SRBD1: variants seen among roughly 807,000 people sequenced by gnomAD.
SRBD1 encodes the protein S1 RNA-binding domain-containing protein 1.
SRBD1 carries 88 observed loss-of-function variants against 115.3 expected under a neutral mutation model. That is an observed-to-expected ratio of 0.76 (90% CI 0.64 to 0.91). The LOEUF (loss-of-function observed/expected upper bound fraction) is 0.91. Among genes scored for constraint, SRBD1 ranks in the 40% least tolerant of loss-of-function variants. The pLI, the probability that SRBD1 is intolerant of heterozygous loss-of-function variation, is 0.00. For missense variants in SRBD1, 1,385 were observed against 1,177.4 expected (o/e 1.18, Z -2.58); for synonymous variants, 509 against 407.7 (o/e 1.25, Z -2.99).
At chr2:45,461,361 G>A (rs571095809) in intron 16 of SRBD1, among the ~76,000 whole-genome samples, 3 of 152,250 alleles carry the variant, frequency 2.0e-5, no homozygotes, top group Non-Finnish European at 2.9e-5. Flanking sequence ...GGAAAATGAC[G>A]GAGTCTTTCA....
At chr2:45,414,683 TATAC>T (rs1449397546) in intron 18 of SRBD1, among the ~76,000 whole-genome samples, 1 of 149,008 alleles carries the variant, frequency 6.7e-6, no homozygotes, top group Non-Finnish European at 1.5e-5. Context: ...ATAGTATGTA[TATAC>T]ACACACACAT....
At chr2:45,389,984 CTTT>C (rs201315742) in intron 20 of SRBD1, among the ~76,000 whole-genome samples, 1 of 150,976 alleles carries the variant, frequency 6.6e-6, no homozygotes, top group South Asian at 2.1e-4. Flanking sequence ...AGACTGGAAG[CTTT>C]TTTTTTGGTT....
At chr2:45,440,822 G>A (rs1022319635) in intron 16 of SRBD1, among the ~76,000 whole-genome samples, 19 of 152,152 alleles carry the variant, frequency 1.2e-4, no homozygotes, top group Non-Finnish European at 8.8e-5. Context: ...CAGAAATAGA[G>A]GGAAGGAGGG....
At position 45,417,118 on chromosome 2, in the gene SRBD1, T is replaced by C. The variant is rs547778183; in HGVS notation, c.2333+1247A>G. On this transcript the variant is annotated intron_variant, in intron 18 of 20. Coordinates refer to ENST00000263736, the MANE Select transcript of SRBD1 (RefSeq NM_018079.5). ...TCATTTTATCTTCAATTTTTTTCAA[T>C]TGTGACTTCTAGGTTTCATGATCTA... Among the ~76,000 whole-genome samples, 3 of 152,306 alleles carry C rather than the reference T, an allele frequency of 2.0e-5. No individual in the cohort carries two copies. In the East Asian group the frequency reaches 5.8e-4, roughly 29 times the overall value.
intron 9 of SRBD1, among the ~76,000 whole-genome samples, chr2:45,563,066 G>A (rs1269766161): frequency 1.3e-5 from 2 of 152,054 alleles, no homozygotes; most frequent in Non-Finnish European, 2.9e-5. Context: ...GGAGTTGGAA[G>A]GGTATACTTT....
chr2:45,583,825 A>G (rs1673437146), intron 5 of SRBD1, among the ~76,000 whole-genome samples: 1 of 152,208 alleles, frequency 6.6e-6, no homozygotes, highest in Non-Finnish European at 1.5e-5. Context: ...CACTTACTTC[A>G]AGGAATATTC....
At chr2:45,482,464 A>T (rs1022633997) in intron 15 of SRBD1, among the ~76,000 whole-genome samples, 2 of 152,032 alleles carry the variant, frequency 1.3e-5, no homozygotes, top group African/African-American at 2.4e-5. Flanking sequence ...TGGGGAGTGG[A>T]GAGAATGGGG....
At chr2:45,545,305 A>AAAAAAAAAAAAAAC (rs1672080114) in intron 14 of SRBD1, among the ~76,000 whole-genome samples, 1 of 122,562 alleles carries the variant, frequency 8.2e-6, no homozygotes, top group African/African-American at 2.7e-5. Flanking sequence ...AAAAAAAAAA[A>AAAAAAAAAAAAAAC]AAAAAAAAAA....
chr2:45,595,351 T>A (rs970089684), intron 4 of SRBD1, among the ~76,000 whole-genome samples: 18 of 152,240 alleles, frequency 1.2e-4, no homozygotes, highest in Non-Finnish European at 1.8e-4. Context: ...TAAATGACAT[T>A]TCCACATGTT....
At chr2:45,549,541 TA>T (rs577331773) in intron 12 of SRBD1, among the ~76,000 whole-genome samples, 3 of 149,600 alleles carry the variant, frequency 2.0e-5, no homozygotes, top group Middle Eastern at 3.4e-3. Flanking sequence ...ACAAGCTTCT[TA>T]AAAAAAAACA....
At chr2:45,600,995 G>A (rs923169849) in intron 3 of SRBD1, among the ~76,000 whole-genome samples, 1 of 151,994 alleles carries the variant, frequency 6.6e-6, no homozygotes, top group African/African-American at 2.4e-5. Flanking sequence ...TAAATTTTTT[G>A]CCCAAAATAG....
intron 16 of SRBD1, among the ~76,000 whole-genome samples, chr2:45,432,502 T>C (rs1246356520): frequency 6.6e-6 from 1 of 152,198 alleles, no homozygotes; most frequent in Non-Finnish European, 1.5e-5. Context: ...AGTTGGGCTA[T>C]GTGTTGAAAG....
At chr2:45,474,815 TG>T (rs1187052473) in intron 16 of SRBD1, among the ~76,000 whole-genome samples, 1 of 152,204 alleles carries the variant, frequency 6.6e-6, no homozygotes, top group Non-Finnish European at 1.5e-5. Context: ...GACCCTTTCT[TG>T]TTTTCCCATG....
intron 14 of SRBD1, among the ~76,000 whole-genome samples, chr2:45,503,941 T>G (rs998500039): frequency 6.6e-6 from 1 of 152,102 alleles, no homozygotes; most frequent in Admixed American, 6.6e-5. Context: ...AAGTTTAAAT[T>G]TGCAACAAGA....
At chr2:45,412,015 A>C (rs1667617774) in intron 19 of SRBD1, among the ~76,000 whole-genome samples, 1 of 152,140 alleles carries the variant, frequency 6.6e-6, no homozygotes, top group African/African-American at 2.4e-5. Flanking sequence ...TAGGAGGTTG[A>C]CGCGCAAGAA....
intron 14 of SRBD1, among the ~76,000 whole-genome samples, chr2:45,490,149 T>C (rs1471711503): frequency 2.6e-5 from 4 of 152,154 alleles, no homozygotes; most frequent in Admixed American, 2.6e-4. Flanking sequence ...GGAGAAAATG[T>C]AATGTTAAAT....
intron 14 of SRBD1, among the ~76,000 whole-genome samples, chr2:45,497,487 G>A (rs1411391396): frequency 6.6e-6 from 1 of 152,066 alleles, no homozygotes; most frequent in Non-Finnish European, 1.5e-5. Flanking sequence ...ATCAGAATTA[G>A]CTGGAGGGTT....
intron 7 of SRBD1, among the ~76,000 whole-genome samples, chr2:45,575,999 A>G (rs13402828): frequency 0.21 from 31,575 of 152,038 alleles, 5,745 homozygotes; most frequent in African/African-American, 0.49. Context: ...CCACTGCACC[A>G]GTCTGCACTT....
At position 45,464,276 on chromosome 2, in the gene SRBD1, T is replaced by G. The variant is rs537924971; in HGVS notation, c.2049+12717A>C. On this transcript the variant is annotated intron_variant, in intron 16 of 20. Transcript: ENST00000263736. ...TACCAAACACCTTTCAAGCAGGTGCTCACATACAGAACTCCCACAGAAAGA... is the reference window on the plus strand; with the variant it reads ...TACCAAACACCTTTCAAGCAGGTGCGCACATACAGAACTCCCACAGAAAGA... Among the ~76,000 whole-genome samples, 310 of 152,220 alleles carry G rather than the reference T, an allele frequency of 2.0e-3. 2 individuals are homozygous for G. Among genetic ancestry groups the G allele is most frequent in the African/African-American group, 7.3e-3 (303 of 41,534 alleles).
Sources: gnomAD v4.1 joint callset for allele counts (sites outside exome capture counted in the v4.1 genomes callset) on GRCh38, gnomAD v4.1.1 for gene constraint, MANE v1.5 for transcripts, NCBI Gene and HGNC (gene_info 2026-07-23, HGNC 2026-07-21) for gene names.